EMCN: variants seen among roughly 807,000 people sequenced by gnomAD.
EMCN encodes the protein MUC-14.
In EMCN, 37 loss-of-function variants were observed where a neutral mutation model predicts 38.4. The observed-to-expected ratio is 0.96, with a 90% CI of 0.74 to 1.27. The LOEUF (loss-of-function observed/expected upper bound fraction) is 1.27. Among genes scored for constraint, EMCN ranks in the 50% most tolerant of loss-of-function variants. EMCN has a pLI of 0.00. For synonymous variants in EMCN, 95 were observed against 100.8 expected, an observed-to-expected ratio of 0.94 and a Z score of 0.35; for missense variants, 318 against 302.8, an observed-to-expected ratio of 1.05 and a Z score of -0.37.
intron 5 of EMCN, among the ~76,000 whole-genome samples, chr4:100,431,727 C>G (rs559480864): frequency 6.6e-6 from 1 of 151,168 alleles, no homozygotes; most frequent in African/African-American, 2.4e-5. Flanking sequence ...ATACATCTCT[C>G]TCTCTCTTTC....
intron 9 of EMCN, among the ~76,000 whole-genome samples, chr4:100,416,722 C>T (rs961522357): frequency 8.5e-5 from 13 of 152,080 alleles, no homozygotes; most frequent in Admixed American, 5.2e-4. Flanking sequence ...TTATTTTAAT[C>T]AAGTCAAAGT....
At chr4:100,507,724 T>C (rs1230052796) in intron 1 of EMCN, among the ~76,000 whole-genome samples, 1 of 152,200 alleles carries the variant, frequency 6.6e-6, no homozygotes, top group Non-Finnish European at 1.5e-5. Flanking sequence ...ATTTCCTCAA[T>C]CTCTTTTAAC....
chr4:100,403,660 C>T (rs1405734533), intron 11 of EMCN, among the ~76,000 whole-genome samples: 3 of 152,056 alleles, frequency 2.0e-5, no homozygotes, highest in Non-Finnish European at 4.4e-5. Flanking sequence ...GCTGTTTCCA[C>T]AGTGATTGAA....
At position 100,395,818 on chromosome 4, in the gene EMCN, C is replaced by T. The variant is rs766968956; in HGVS notation, c.*2595G>A. The T allele has an allele frequency of 6.6e-6, 1 of 152,132 alleles. No individual in the cohort carries two copies. The highest frequency in any genetic ancestry group is 1.5e-5 in the Non-Finnish European group (1 of 68,020). 9.4% of individuals were successfully genotyped at this position (152,132 alleles called of 1,614,324 possible). ...CAGAATTCTTTCTCTGCTGGCTGAG[C>T]CTGTATGTCAGCCAACAACATCCAC... is the stretch of plus-strand genomic sequence containing the variant. On this transcript the variant is annotated 3_prime_UTR_variant, in exon 12 of 12. Transcript: ENST00000296420.
intron 4 of EMCN, among the ~76,000 whole-genome samples, chr4:100,453,214 C>T (rs367811071): frequency 1.3e-5 from 2 of 151,730 alleles, no homozygotes; most frequent in African/African-American, 4.8e-5. Flanking sequence ...CAAAAGAAAC[C>T]ACCATCAGAG....
At chr4:100,445,940 T>C in intron 5 of EMCN, 2 of 470,376 alleles carry the variant, frequency 4.3e-6, no homozygotes, top group Non-Finnish European at 5.6e-6. Flanking sequence ...GGAAAATTAG[T>C]TTACATAACT....
At chr4:100,478,095 G>T (rs1197446556) in intron 2 of EMCN, among the ~76,000 whole-genome samples, 1 of 152,108 alleles carries the variant, frequency 6.6e-6, no homozygotes, top group Non-Finnish European at 1.5e-5. Context: ...TTTCTCTGTT[G>T]TCTTTGTCCA....
intron 2 of EMCN, among the ~76,000 whole-genome samples, chr4:100,476,003 G>A (rs1728638220): frequency 6.6e-6 from 1 of 151,902 alleles, no homozygotes; most frequent in Non-Finnish European, 1.5e-5. Context: ...TTAGTATCAA[G>A]AATTATTCCT....
At chr4:100,500,984 T>G (rs1281186068) in intron 1 of EMCN, among the ~76,000 whole-genome samples, 1 of 152,080 alleles carries the variant, frequency 6.6e-6, no homozygotes, top group Non-Finnish European at 1.5e-5. Flanking sequence ...GTCAGTTATA[T>G]ATACACAGCA....
At chr4:100,504,148 C>A (rs1277455910) in intron 1 of EMCN, among the ~76,000 whole-genome samples, 3 of 152,118 alleles carry the variant, frequency 2.0e-5, no homozygotes, top group African/African-American at 7.2e-5. Context: ...AATCCCATTC[C>A]CACCTCTTCC....
chr4:100,419,485 C>G (rs2110216101), intron 8 of EMCN, among the ~76,000 whole-genome samples: 1 of 152,218 alleles, frequency 6.6e-6, no homozygotes, highest in East Asian at 1.9e-4. Flanking sequence ...GTGGTAGGAA[C>G]TTTATACATC....
intron 1 of EMCN, among the ~76,000 whole-genome samples, chr4:100,494,658 C>T (rs1729166414): frequency 6.6e-6 from 1 of 152,044 alleles, no homozygotes; most frequent in African/African-American, 2.4e-5. Context: ...TCTAAGTACA[C>T]ATGGTCAGGT....
At chr4:100,487,215 A>G (rs1728964869) in intron 1 of EMCN, among the ~76,000 whole-genome samples, 1 of 152,174 alleles carries the variant, frequency 6.6e-6, no homozygotes, top group Non-Finnish European at 1.5e-5. Context: ...CTTCCAACGA[A>G]GTAAGATGCT....
chr4:100,473,373 G>GTTTTTTTTTTTTTTTTTTTTTTTT (rs1256284835), intron 3 of EMCN, among the ~76,000 whole-genome samples: 7 of 66,018 alleles, frequency 1.1e-4, no homozygotes, highest in Non-Finnish European at 1.8e-4. Context: ...GTGTTTTTTT[G>GTTTTTTTTTTTTTTTTTTTTTTTT]TTTTTTTTTT....
chr4:100,450,529 C>T (rs902981392), intron 4 of EMCN, among the ~76,000 whole-genome samples: 2 of 151,816 alleles, frequency 1.3e-5, no homozygotes, highest in Non-Finnish European at 2.9e-5. Flanking sequence ...TACATCTATT[C>T]CCATATATAA....
In EMCN at chr4:100,397,376, A is replaced by G. The variant is rs1223044658; in HGVS notation, c.*1037T>C. On this transcript the variant is annotated 3_prime_UTR_variant, in exon 12 of 12. Transcript: ENST00000296420. ...TCCTGATGGAGTGGCAGCTATAATC[A>G]TATGGTATTTTTAGAACAGTGATAC... The G allele has an allele frequency of 6.6e-6, 1 of 152,204 alleles. No individual in the cohort carries two copies. Among genetic ancestry groups the G allele is most frequent in the South Asian group, 2.1e-4 (1 of 4,834 alleles). 9.4% of individuals were successfully genotyped at this position (152,204 alleles called of 1,614,324 possible).
intron 1 of EMCN, among the ~76,000 whole-genome samples, chr4:100,499,440 T>C (rs548595092): frequency 6.1e-4 from 93 of 152,250 alleles, no homozygotes; most frequent in Non-Finnish European, 1.2e-3. Flanking sequence ...TGCTCATAAG[T>C]GCTTTAACAA....
intron 11 of EMCN, among the ~76,000 whole-genome samples, chr4:100,400,736 G>A (rs1424170958): frequency 1.3e-5 from 2 of 152,086 alleles, no homozygotes; most frequent in African/African-American, 2.4e-5. Flanking sequence ...GATTGATACT[G>A]TTTCAATTAT....
chr4:100,471,815 A>T (rs1430847099), intron 3 of EMCN, among the ~76,000 whole-genome samples: 2 of 152,054 alleles, frequency 1.3e-5, no homozygotes, highest in Non-Finnish European at 2.9e-5. Context: ...TAACAAAATA[A>T]GGAATTTTTT....
Sources: gnomAD v4.1 joint callset for allele counts (sites outside exome capture counted in the v4.1 genomes callset) on GRCh38, gnomAD v4.1.1 for gene constraint, MANE v1.5 for transcripts, NCBI Gene and HGNC (gene_info 2026-07-23, HGNC 2026-07-21) for gene names.